The following RAD51B variants were observed in gnomAD, a reference collection of about 807,000 sequenced individuals.
RAD51B encodes RAD51 paralog B.
RAD51B carries 38 observed loss-of-function variants against 42.2 expected under a neutral mutation model. The observed-to-expected ratio is 0.90, with a 90% CI of 0.70 to 1.18. The LOEUF is 1.18. RAD51B is among the 50% of genes most tolerant of loss of function. The probability of loss-of-function intolerance (pLI) is 0.00; values close to 1 mark genes in which losing one functional copy is unlikely to be tolerated. For synonymous variants in RAD51B, 154 were observed against 145.2 expected (o/e 1.06, Z -0.43); for missense variants, 373 against 400.7 (o/e 0.93, Z 0.59).
At chr14:67,938,752 G>A (rs761732763) in intron 7 of RAD51B, among the ~76,000 whole-genome samples, 19 of 152,210 alleles carry the variant, frequency 1.2e-4, no homozygotes, top group Non-Finnish European at 2.2e-4. Flanking sequence ...ACTTGTGTGC[G>A]TGACAGTGTG....
At chr14:68,092,157 G>C (rs531168422) in intron 7 of RAD51B, among the ~76,000 whole-genome samples, 4 of 152,242 alleles carry the variant, frequency 2.6e-5, no homozygotes, top group Admixed American at 2.0e-4. Context: ...TGTTCTTTTG[G>C]CTTAGGATTG....
intron 7 of RAD51B, among the ~76,000 whole-genome samples, chr14:68,053,957 T>C (rs2140425291): frequency 6.6e-6 from 1 of 152,356 alleles, no homozygotes; most frequent in Middle Eastern, 3.4e-3. Context: ...TGTTCACATA[T>C]GCACATATTA....
intron 7 of RAD51B, among the ~76,000 whole-genome samples, chr14:67,985,255 C>T (rs1278827973): frequency 1.3e-5 from 2 of 152,130 alleles, no homozygotes; most frequent in Non-Finnish European, 2.9e-5. Context: ...TACTTTTGTT[C>T]TGGACCATTT....
chr14:68,572,061 A>G (rs1265247912), intron 10 of RAD51B, among the ~76,000 whole-genome samples: 1 of 152,224 alleles, frequency 6.6e-6, no homozygotes, highest in Non-Finnish European at 1.5e-5. Context: ...GGACCCCCAC[A>G]GACCCCAGTG....
At chr14:68,429,217 G>A (rs558768638) in intron 9 of RAD51B, among the ~76,000 whole-genome samples, 5 of 152,214 alleles carry the variant, frequency 3.3e-5, no homozygotes, top group South Asian at 2.1e-4. Flanking sequence ...ATAAACATAC[G>A]TGTACATGTG....
intron 7 of RAD51B, among the ~76,000 whole-genome samples, chr14:67,961,160 C>T (rs2074658134): frequency 6.6e-6 from 1 of 151,648 alleles, no homozygotes; most frequent in African/African-American, 2.4e-5. Context: ...GTGTGCGCCA[C>T]CACACCTGGC....
At chr14:68,197,081 A>G (rs1352574612) in intron 7 of RAD51B, among the ~76,000 whole-genome samples, 1 of 152,156 alleles carries the variant, frequency 6.6e-6, no homozygotes, top group African/African-American at 2.4e-5. Flanking sequence ...TTTTTAAAGG[A>G]AGCAGAGATA....
chr14:68,590,356 T>C (rs1338745132), intron 10 of RAD51B, among the ~76,000 whole-genome samples: 3 of 152,196 alleles, frequency 2.0e-5, no homozygotes, highest in Non-Finnish European at 4.4e-5. Context: ...CAGTTTTCCA[T>C]GAGCAGGCTT....
rs200482758 is a variant in RAD51B at position 68,410,944 on chromosome 14, G to GA, written c.854-480_854-479insA. Among the ~76,000 whole-genome samples, 7 of 151,240 alleles carry GA rather than the reference G, an allele frequency of 4.6e-5. No individual in the cohort carries two copies. In the East Asian group the frequency reaches 9.6e-4, roughly 21 times the overall value. ...TCCTTTTTTTGCGTTGTGTATACGGGGGGGTGGGAGGACCAGGGAATTTTA... is the reference window on the plus strand; with the variant it reads ...TCCTTTTTTTGCGTTGTGTATACGGGAGGGGTGGGAGGACCAGGGAATTTTA... On this transcript the variant is annotated intron_variant, in intron 8 of 10. Coordinates refer to ENST00000471583, the MANE Select transcript of RAD51B (RefSeq NM_133510.4).
chr14:67,924,936 G>C (rs1595115619), intron 7 of RAD51B, among the ~76,000 whole-genome samples: 1 of 152,336 alleles, frequency 6.6e-6, no homozygotes, highest in East Asian at 1.9e-4. Flanking sequence ...AAAATCAAAA[G>C]CAAGTTAGTT....
chr14:68,322,210 C>T (rs987782614), intron 8 of RAD51B, among the ~76,000 whole-genome samples: 3 of 152,178 alleles, frequency 2.0e-5, no homozygotes, highest in African/African-American at 7.2e-5. Context: ...CTATGTTCGA[C>T]TTCTGTATGG....
At chr14:67,885,767 A>G in intron 5 of RAD51B, 102 bp from the exon 6 acceptor site, 9 of 1,421,918 alleles carry the variant, frequency 6.3e-6, no homozygotes, top group South Asian at 1.7e-5. Flanking sequence ...TGCTCTATTG[A>G]TAAGGCTTAG....
At chr14:68,406,197 A>G (rs902786016) in intron 8 of RAD51B, among the ~76,000 whole-genome samples, 1 of 152,178 alleles carries the variant, frequency 6.6e-6, no homozygotes, top group Admixed American at 6.5e-5. Flanking sequence ...CCTCTTTATA[A>G]TATACAGTCA....
chr14:68,103,544 A>G (rs1264619874), intron 7 of RAD51B, among the ~76,000 whole-genome samples: 2 of 152,206 alleles, frequency 1.3e-5, no homozygotes, highest in East Asian at 3.9e-4. Flanking sequence ...TCTTACGAAT[A>G]TAGTGTGGGT....
Position 68,332,317 on chromosome 14 carries a change from A to G in RAD51B, c.853+40337A>G, listed in dbSNP as rs72727439. Among the ~76,000 whole-genome samples, 502 of 152,344 alleles carry G rather than the reference A, an allele frequency of 3.3e-3. 1 individual carries two copies. Among genetic ancestry groups the G allele is most frequent in the Non-Finnish European group, 6.0e-3 (409 of 68,040 alleles). On this transcript the variant is annotated intron_variant, in intron 8 of 10. Transcript: ENST00000471583. ...GAGATACACACACACACACATGTAT[A>G]TTATACATCTCTGCATATATAAACA...
At chr14:68,147,854 G>T (rs1034670178) in intron 7 of RAD51B, among the ~76,000 whole-genome samples, 1 of 149,186 alleles carries the variant, frequency 6.7e-6, no homozygotes, top group South Asian at 2.1e-4. Flanking sequence ...CCAATAAACA[G>T]CACATATTTA....
Position 68,580,635 on chromosome 14 carries a change from T to G in RAD51B, c.1037-13850T>G, listed in dbSNP as rs143002266. Among the ~76,000 whole-genome samples, 77 of 152,306 alleles carry G rather than the reference T, an allele frequency of 5.1e-4. 2 individuals are homozygous for G. The East Asian group carries it at 0.014, about 28-fold the overall frequency. On this transcript the variant is annotated intron_variant, in intron 10 of 10. Coordinates refer to the RAD51B transcript ENST00000487270. The stretch of plus-strand genomic sequence containing the variant: ...TTTTGTTCTTAGCTGTAGCCCTTCT[T>G]GAACCCCTGCCGTCCTAGGTGCACA...
At chr14:68,263,430 C>G (rs2080926459) in intron 7 of RAD51B, among the ~76,000 whole-genome samples, 1 of 152,284 alleles carries the variant, frequency 6.6e-6, no homozygotes, top group South Asian at 2.1e-4. Flanking sequence ...CCAGGACAGA[C>G]AGTCCCAATG....
At chr14:68,104,644 G>GT (rs1283361371) in intron 7 of RAD51B, among the ~76,000 whole-genome samples, 1 of 152,054 alleles carries the variant, frequency 6.6e-6, no homozygotes, top group Non-Finnish European at 1.5e-5. Context: ...TTGGAATAGG[G>GT]TTATCTCCAG....
Sources: gnomAD v4.1 joint callset for allele counts (sites outside exome capture counted in the v4.1 genomes callset) on GRCh38, gnomAD v4.1.1 for gene constraint, MANE v1.5 for transcripts, NCBI Gene and HGNC (gene_info 2026-07-23, HGNC 2026-07-21) for gene names.